Variants in KCNK2 observed in about 807,000 individuals in gnomAD.
KCNK2 encodes the protein potassium two pore domain channel subfamily K member 2, also known as potassium channel subfamily K member 2.
A neutral mutation model predicts 40.5 loss-of-function variants in KCNK2; 21 were observed. That is an observed-to-expected ratio of 0.52 (90% CI 0.37 to 0.75). The LOEUF (loss-of-function observed/expected upper bound fraction) is 0.75, where lower values mean the gene tolerates loss of function less well. Among genes scored for constraint, KCNK2 ranks in the 30% least tolerant of loss-of-function variants. KCNK2 has a pLI of 0.00. For synonymous variants in KCNK2, 191 were observed against 202.2 expected (o/e 0.94, Z 0.47); for missense variants, 399 against 531.6 (o/e 0.75, Z 2.45).
chr1:215,171,379 C>G (rs2102636749), intron 4 of KCNK2, among the ~76,000 whole-genome samples: 1 of 152,112 alleles, frequency 6.6e-6, no homozygotes, highest in South Asian at 2.1e-4. Context: ...TATCATAGAA[C>G]AGAGAATTCA....
chr1:215,189,535 A>G (rs919154899), intron 5 of KCNK2, among the ~76,000 whole-genome samples: 2 of 152,158 alleles, frequency 1.3e-5, no homozygotes, highest in African/African-American at 4.8e-5. Flanking sequence ...CAATTTAAGA[A>G]CAAGTACCTA....
At chr1:215,234,764 A>G in intron 6 of KCNK2, 64 bp from the exon 7 acceptor site, 6 of 1,413,464 alleles carry the variant, frequency 4.2e-6, no homozygotes, top group Non-Finnish European at 5.8e-6. Context: ...AACTGAAGAT[A>G]AAGCATAGAA....
At chr1:215,161,305 T>C (rs1663183229) in intron 3 of KCNK2, among the ~76,000 whole-genome samples, 1 of 152,180 alleles carries the variant, frequency 6.6e-6, no homozygotes, top group African/African-American at 2.4e-5. Context: ...GGATTACGTT[T>C]TGATTTTTCC....
At chr1:215,130,980 C>T (rs1320329988) in intron 3 of KCNK2, among the ~76,000 whole-genome samples, 1 of 151,436 alleles carries the variant, frequency 6.6e-6, no homozygotes. Context: ...CCTGCCTCAG[C>T]CTCCCGAGTA....
intron 3 of KCNK2, among the ~76,000 whole-genome samples, chr1:215,165,854 A>T (rs1663420287): frequency 6.6e-6 from 1 of 152,022 alleles, no homozygotes; most frequent in African/African-American, 2.4e-5. Context: ...CTGTTAACAG[A>T]TGAGGAAATA....
intron 1 of KCNK2, among the ~76,000 whole-genome samples, chr1:215,053,478 A>G (rs572947108): frequency 1.1e-4 from 16 of 152,364 alleles, no homozygotes; most frequent in South Asian, 8.3e-4. Flanking sequence ...GATAAAGTGG[A>G]CAAGGCAAAT....
rs376236402 is a variant in KCNK2, at chr1:215,207,923, A to T, written c.963+12831A>T. On this transcript the variant is annotated intron_variant, in intron 6 of 6. Transcript: ENST00000444842. The stretch of plus-strand genomic sequence containing the variant: ...GGAACACTTACACACCGTTGGTTGG[A>T]TTGTAAATTTGTTTAATCATTGTGG... Among the ~76,000 whole-genome samples the T allele has an allele frequency of 1.6e-4, 25 of 152,324 alleles. No homozygotes were observed. The South Asian group carries it at 4.8e-3, about 29-fold the overall frequency.
At chr1:215,158,179 C>T (rs908475841) in intron 3 of KCNK2, among the ~76,000 whole-genome samples, 4 of 152,130 alleles carry the variant, frequency 2.6e-5, no homozygotes, top group Non-Finnish European at 5.9e-5. Context: ...CTCATTCTTC[C>T]TCTCTTAGGT....
At chr1:215,020,457 G>C (rs1656750933) in intron 1 of KCNK2, among the ~76,000 whole-genome samples, 1 of 152,086 alleles carries the variant, frequency 6.6e-6, no homozygotes. Flanking sequence ...ACAGGGTCTG[G>C]CTGTGTTACT....
intron 3 of KCNK2, among the ~76,000 whole-genome samples, chr1:215,126,016 A>C (rs1661421185): frequency 6.6e-6 from 1 of 151,958 alleles, no homozygotes; most frequent in African/African-American, 2.4e-5. Flanking sequence ...TCATGGGACT[A>C]GTTTCAGATT....
At chr1:215,160,644 C>T (rs1349164155) in intron 3 of KCNK2, among the ~76,000 whole-genome samples, 1 of 152,118 alleles carries the variant, frequency 6.6e-6, no homozygotes, top group African/African-American at 2.4e-5. Flanking sequence ...GCTTGCTCTT[C>T]CTGTGACTTT....
intron 1 of KCNK2, among the ~76,000 whole-genome samples, chr1:215,085,874 A>T (rs772540871): frequency 2.6e-5 from 4 of 152,258 alleles, no homozygotes; most frequent in Non-Finnish European, 4.4e-5. Flanking sequence ...AATGCAATTC[A>T]TTTATTGTAA....
At chr1:215,134,282 G>A (rs1661803137) in intron 3 of KCNK2, among the ~76,000 whole-genome samples, 1 of 152,092 alleles carries the variant, frequency 6.6e-6, no homozygotes, top group African/African-American at 2.4e-5. Flanking sequence ...CAGGTGAAGG[G>A]CTCAGTCCCG....
At chr1:215,128,724 A>C (rs1661545314) in intron 3 of KCNK2, among the ~76,000 whole-genome samples, 3 of 151,294 alleles carry the variant, frequency 2.0e-5, no homozygotes, top group Admixed American at 1.3e-4. Flanking sequence ...CAAAAATCCA[A>C]AAAGAGAAGT....
chr1:215,013,744 G>A (rs900532226), intron 1 of KCNK2, among the ~76,000 whole-genome samples: 1 of 152,096 alleles, frequency 6.6e-6, no homozygotes, highest in Non-Finnish European at 1.5e-5. Flanking sequence ...ATAAATATAT[G>A]TTGGATTGAT....
chr1:215,127,446 G>A (rs1661485677), intron 3 of KCNK2, among the ~76,000 whole-genome samples: 1 of 152,146 alleles, frequency 6.6e-6, no homozygotes, highest in South Asian at 2.1e-4. Flanking sequence ...TTCACAGACT[G>A]AAATCCATTC....
At chr1:215,039,760 CT>C (rs1657503328) in intron 1 of KCNK2, among the ~76,000 whole-genome samples, 1 of 152,084 alleles carries the variant, frequency 6.6e-6, no homozygotes, top group South Asian at 2.1e-4. Context: ...GAACTTGGAT[CT>C]TTGCCATCGC....
intron 5 of KCNK2, among the ~76,000 whole-genome samples, chr1:215,186,324 G>A (rs1015796802): frequency 6.6e-6 from 1 of 151,828 alleles, no homozygotes; most frequent in African/African-American, 2.4e-5. Flanking sequence ...GGTGGGAGGA[G>A]GTCTTGCTGC....
chr1:215,051,933 G>A (rs150213008), intron 1 of KCNK2, among the ~76,000 whole-genome samples: 98 of 152,266 alleles, frequency 6.4e-4, no homozygotes, highest in African/African-American at 2.2e-3. Context: ...TAAAGAATAT[G>A]CTCACCTGCA....
Sources: gnomAD v4.1 joint callset for allele counts (sites outside exome capture counted in the v4.1 genomes callset) on GRCh38, gnomAD v4.1.1 for gene constraint, MANE v1.5 for transcripts, NCBI Gene and HGNC (gene_info 2026-07-23, HGNC 2026-07-21) for gene names.